The following MAN1C1 variants were observed in gnomAD, a reference collection of about 807,000 sequenced individuals.
MAN1C1 encodes the protein mannosyl-oligosaccharide 1,2-alpha-mannosidase IC.
Under a neutral mutation model 71.5 loss-of-function variants are expected in MAN1C1, and 49 were observed. That is an observed-to-expected ratio of 0.69 (90% CI 0.54 to 0.87). The LOEUF (loss-of-function observed/expected upper bound fraction) is 0.87. Among genes scored for constraint, MAN1C1 ranks in the 40% least tolerant of loss-of-function variants. MAN1C1 has a pLI of 0.00. For missense variants in MAN1C1, 743 were observed against 835.0 expected, an observed-to-expected ratio of 0.89 and a Z score of 1.36; for synonymous variants, 352 against 343.7, an observed-to-expected ratio of 1.02 and a Z score of -0.27.
intron 1 of MAN1C1, among the ~76,000 whole-genome samples, chr1:25,674,096 G>A (rs989257753): frequency 6.6e-6 from 1 of 152,178 alleles, no homozygotes; most frequent in African/African-American, 2.4e-5. Flanking sequence ...CCCAGGTTTG[G>A]TGGCCTTCTC....
At chr1:25,679,950 A>AAAAAAAAT (rs1285307256) in intron 1 of MAN1C1, among the ~76,000 whole-genome samples, 13 of 117,254 alleles carry the variant, frequency 1.1e-4, no homozygotes, top group African/African-American at 4.2e-4. Flanking sequence ...AAAAAAAAAA[A>AAAAAAAAT]ATATATATAT....
rs1413836273 is a variant in MAN1C1 at position 25,616,948 on chromosome 1, G to T, written c.-850G>T. On this transcript the variant is annotated 5_prime_UTR_variant, in exon 1 of 12. Coordinates refer to ENST00000374332, the MANE Select transcript of MAN1C1 (RefSeq NM_020379.4). The surrounding 1 kb of genome is among the most constrained non-coding windows in gnomAD (Gnocchi z 5.6). ...GGGGGAGGCGCGGCCAGGGCTGCGC[G>T]CTCCGCGGAGCCGGCGGGGCCGGGA... Among the ~76,000 whole-genome samples the T allele has an allele frequency of 6.6e-6, 1 of 151,056 alleles. No individual in the cohort carries two copies. The highest frequency in any genetic ancestry group is 2.0e-4 in the East Asian group (1 of 5,108).
At chr1:25,655,087 A>G (rs898797411) in intron 1 of MAN1C1, among the ~76,000 whole-genome samples, 6 of 152,230 alleles carry the variant, frequency 3.9e-5, no homozygotes, top group Admixed American at 1.3e-4. Context: ...GCTTTTTTAA[A>G]ACAAAAGCAA....
intron 8 of MAN1C1, 106 bp from the exon 9 acceptor site, chr1:25,777,999 G>A (rs1384363836): frequency 2.4e-6 from 2 of 842,924 alleles, no homozygotes; most frequent in Non-Finnish European, 1.8e-6. Context: ...GCTTGGCAGA[G>A]CTGCCCTTGC....
At chr1:25,669,792 A>C (rs1299504968) in intron 1 of MAN1C1, among the ~76,000 whole-genome samples, 1 of 152,082 alleles carries the variant, frequency 6.6e-6, no homozygotes, top group Non-Finnish European at 1.5e-5. Context: ...CTCTAAAAAT[A>C]CACAGATACA....
intron 1 of MAN1C1, among the ~76,000 whole-genome samples, chr1:25,660,167 C>G (rs2045825198): frequency 6.6e-6 from 1 of 151,994 alleles, no homozygotes; most frequent in African/African-American, 2.4e-5. Flanking sequence ...TTTGGGAGGC[C>G]AAGGTGGGCG....
chr1:25,674,776 G>GA (rs2046041286), intron 1 of MAN1C1, among the ~76,000 whole-genome samples: 1 of 151,748 alleles, frequency 6.6e-6, no homozygotes, highest in Non-Finnish European at 1.5e-5. Context: ...GACTTCCTGG[G>GA]CCTGATGGGC....
intron 7 of MAN1C1, among the ~76,000 whole-genome samples, chr1:25,765,757 A>C (rs3820515): frequency 0.55 from 83,137 of 151,976 alleles, 24,782 homozygotes; most frequent in Middle Eastern, 0.78. Flanking sequence ...CACTGTGGCG[A>C]AGCAGCTGAG....
At position 25,740,506 on chromosome 1, in the gene MAN1C1, G is replaced by C. The variant is rs189825311; in HGVS notation, c.638-6162G>C. The stretch of plus-strand genomic sequence containing the variant: ...GGTTGAAGTGCAGTGGCGCTATCTC[G>C]GCTCACTGCAAGCTCCGCCTCCCGA... On this transcript the variant is annotated intron_variant, in intron 2 of 11. Transcript: ENST00000374332. 2.0e-5 allele frequency among the ~76,000 whole-genome samples: 3 copies of C among 151,988 alleles called. No homozygotes were observed. In the East Asian group the frequency reaches 5.8e-4, roughly 29 times the overall value.
intron 11 of MAN1C1, among the ~76,000 whole-genome samples, chr1:25,783,014 AG>A (rs915544578): frequency 6.6e-6 from 1 of 152,172 alleles, no homozygotes; most frequent in Non-Finnish European, 1.5e-5. Flanking sequence ...AAAATGGGAT[AG>A]GGTTAACGAT....
chr1:25,765,580 C>A (rs900072017), intron 7 of MAN1C1, among the ~76,000 whole-genome samples: 7 of 152,170 alleles, frequency 4.6e-5, no homozygotes, highest in Admixed American at 4.6e-4. Context: ...TCCTGTCCTG[C>A]AAAATGAAAG....
At chr1:25,629,498 C>T (rs1236501045) in intron 1 of MAN1C1, among the ~76,000 whole-genome samples, 2 of 152,114 alleles carry the variant, frequency 1.3e-5, no homozygotes, top group African/African-American at 2.4e-5. Context: ...TGCAGTGGTG[C>T]GATCTTGGCT....
At chr1:25,641,104 T>C (rs2045531082) in intron 1 of MAN1C1, among the ~76,000 whole-genome samples, 1 of 152,054 alleles carries the variant, frequency 6.6e-6, no homozygotes, top group Non-Finnish European at 1.5e-5. Context: ...CCTCAGGGAG[T>C]CTGCTTTGAA....
intron 2 of MAN1C1, among the ~76,000 whole-genome samples, chr1:25,703,466 G>GC (rs2046474323): frequency 6.6e-6 from 1 of 152,340 alleles, no homozygotes; most frequent in South Asian, 2.1e-4. Context: ...CAGATCACCT[G>GC]AGGTCGGGAG....
At chr1:25,770,708 T>TC (rs1212825044) in intron 7 of MAN1C1, among the ~76,000 whole-genome samples, 10 of 151,256 alleles carry the variant, frequency 6.6e-5, no homozygotes, top group Non-Finnish European at 1.3e-4. Context: ...CTGTCCCTCT[T>TC]CCCCCCGCCC....
chr1:25,703,296 C>G (rs995099096), intron 2 of MAN1C1, among the ~76,000 whole-genome samples: 1 of 152,314 alleles, frequency 6.6e-6, no homozygotes, highest in Middle Eastern at 3.4e-3. Context: ...GTCACCAGTT[C>G]CACAGGAAGC....
chr1:25,617,831 G>A lies in MAN1C1; in HGVS notation c.34G>A (p.Ala12Thr), dbSNP rs139316157. 10 of 1,604,748 alleles carry A rather than the reference G, an allele frequency of 6.2e-6. No individual in the cohort carries two copies. The highest frequency in any genetic ancestry group is 8.5e-6 in the Non-Finnish European group (10 of 1,176,754). ...LMRKVPGFVPASPWGLRLPQK... is the reference protein window; with the variant it reads ...LMRKVPGFVPTSPWGLRLPQK... ...GAGGAAAGTGCCCGGCTTCGTCCCG[G>A]CCTCCCCGTGGGGGCTGCGGCTGCC... The change falls in exon 1 of 12, where the codon GCC (alanine) becomes ACC (threonine). Residue 12 changes from alanine to threonine, a missense_variant. Ala to Thr is a moderately conservative substitution (Grantham distance 58). Coordinates refer to ENST00000374332, the MANE Select transcript of MAN1C1 (RefSeq NM_020379.4). This position sits in a 1 kb window ranked among gnomAD's most constrained non-coding sequence, Gnocchi z 5.1.
intron 2 of MAN1C1, among the ~76,000 whole-genome samples, chr1:25,740,434 G>T (rs1050798587): frequency 6.6e-6 from 1 of 151,998 alleles, no homozygotes; most frequent in Non-Finnish European, 1.5e-5. Flanking sequence ...TGTTGTTGTT[G>T]TTGTTGTTGT....
chr1:25,693,365 C>A (rs1282945274), intron 2 of MAN1C1, among the ~76,000 whole-genome samples: 8 of 152,000 alleles, frequency 5.3e-5, no homozygotes, highest in Admixed American at 3.3e-4. Flanking sequence ...TCCAGTGGTC[C>A]ATGTCTGTAA....
Sources: allele counts gnomAD v4.1 joint callset (sites outside exome capture counted in the v4.1 genomes callset), GRCh38; gene constraint gnomAD v4.1.1; non-coding constraint Gnocchi (gnomAD v3.1); transcripts MANE v1.5; gene names NCBI Gene and HGNC (gene_info 2026-07-23, HGNC 2026-07-21).